Variants in CDS1 observed in about 807,000 individuals in gnomAD.
CDS1 encodes the protein CDP-diacylglycerol synthase 1, also known as phosphatidate cytidylyltransferase 1.
A neutral mutation model predicts 62.1 loss-of-function variants in CDS1; 41 were observed. The ratio of observed to expected loss-of-function variants is 0.66; its 90% CI spans 0.51 to 0.86. CDS1 has a LOEUF of 0.86. Among genes scored for constraint, CDS1 ranks in the 40% least tolerant of loss-of-function variants. The pLI is 0.00. For synonymous variants in CDS1, 185 were observed against 192.6 expected, an observed-to-expected ratio of 0.96 and a Z score of 0.32; for missense variants, 470 against 550.1, an observed-to-expected ratio of 0.85 and a Z score of 1.46.
chr4:84,583,375 G>A lies in CDS1; in HGVS notation c.-27G>A. ...CTCAGGTTTCGGGGTGCTTGAGGAGGCCGCCACGGCAGCGCGGGAGCGGAA... is the reference window on the plus strand; with the variant it reads ...CTCAGGTTTCGGGGTGCTTGAGGAGACCGCCACGGCAGCGCGGGAGCGGAA... On this transcript the variant is annotated 5_prime_UTR_variant, in exon 1 of 13. Coordinates refer to ENST00000295887, the MANE Select transcript of CDS1 (RefSeq NM_001263.4). 6.5e-7 allele frequency: 1 copy of A among 1,529,682 alleles called. No individual in the cohort carries two copies. Among genetic ancestry groups the A allele is most frequent in the Non-Finnish European group, 9.0e-7 (1 of 1,109,634 alleles). The allele number at this position is 1,529,682 out of a possible 1,614,324, so 94.8% of individuals were successfully genotyped here.
rs1179224047 is a variant in CDS1, at chr4:84,610,701, A to G, written c.342+1176A>G. On this transcript the variant is annotated intron_variant, in intron 3 of 12. Transcript: ENST00000295887. ...TAGACAACTATACGACAGAGGTCCT[A>G]TAAGATTATAATGGAGCCAAAAAAT... Among the ~76,000 whole-genome samples the G allele has an allele frequency of 3.3e-5, 5 of 152,330 alleles. No individual in the cohort carries two copies. The South Asian group carries it at 8.3e-4, about 25-fold the overall frequency.
chr4:84,618,674 G>A (rs1723575151), intron 4 of CDS1, among the ~76,000 whole-genome samples: 1 of 152,148 alleles, frequency 6.6e-6, no homozygotes. Context: ...AGCGGACAGT[G>A]GGTAAATAGT....
At chr4:84,632,174 T>C (rs1724041589) in intron 6 of CDS1, among the ~76,000 whole-genome samples, 2 of 152,330 alleles carry the variant, frequency 1.3e-5, no homozygotes, top group Admixed American at 1.3e-4. Context: ...AAGAATTTTC[T>C]TAGTCTCCTG....
intron 9 of CDS1, among the ~76,000 whole-genome samples, chr4:84,640,627 AC>A (rs1221912657): frequency 1.3e-5 from 2 of 152,124 alleles, no homozygotes; most frequent in Non-Finnish European, 2.9e-5. Flanking sequence ...TTTCAAAAAA[AC>A]TTTTTTTTTC....
In CDS1 at chr4:84,633,919, T is replaced by C; in HGVS notation, c.702T>C (p.Asn234=). 1 of 1,604,384 alleles carries C rather than the reference T, an allele frequency of 6.2e-7. No homozygotes were observed. Among genetic ancestry groups the C allele is most frequent in the Non-Finnish European group, 8.5e-7 (1 of 1,174,426 alleles). The change falls in exon 7 of 13, where the codon AAT becomes AAC. Residue 234 remains asparagine, a synonymous_variant. Coordinates refer to ENST00000295887, the MANE Select transcript of CDS1 (RefSeq NM_001263.4). ...CTCAGTCACACCTTGTCATCCAAAA[T>C]CTGTTTGAAGGCATGATATGGTAAG... ...TVTQSHLVIQ[N]LFEGMIWFLV... is the part of the protein sequence containing the mutation.
intron 3 of CDS1, among the ~76,000 whole-genome samples, chr4:84,612,988 C>CAAA (rs779175772): frequency 1.6e-5 from 1 of 60,610 alleles, no homozygotes; most frequent in Admixed American, 1.7e-4. Context: ...GATCCTGTCT[C>CAAA]AAAAAAAAAA....
At chr4:84,640,605 C>T (rs553332229) in intron 9 of CDS1, among the ~76,000 whole-genome samples, 1 of 152,216 alleles carries the variant, frequency 6.6e-6, no homozygotes, top group East Asian at 1.9e-4. Context: ...GCAGAGATTA[C>T]AATCTTATTG....
Position 84,583,460 on chromosome 4 carries a change from C to A in CDS1, c.59C>A (p.Pro20Gln). 1.3e-6 allele frequency: 2 copies of A among 1,583,772 alleles called. No individual in the cohort carries two copies. Among genetic ancestry groups the A allele is most frequent in the Non-Finnish European group, 1.7e-6 (2 of 1,166,300 alleles). Residue 20 changes from proline to glutamine, a missense_variant, in exon 1 of 13, where the codon CCA becomes CAA. Coordinates refer to ENST00000295887, the MANE Select transcript of CDS1 (RefSeq NM_001263.4). ...CPGPREAVSP[P>Q]HREGEAAGGD... ...GGCCCCAGGGAAGCGGTGTCGCCGC[C>A]ACACCGCGAGGGAGAGGCGGCCGGC...
At position 84,592,154 on chromosome 4, in the gene CDS1, A is replaced by ATTTTT. The variant is rs72236126; in HGVS notation, c.117+8659_117+8663dup. Among the ~76,000 whole-genome samples the ATTTTT allele has an allele frequency of 2.1e-3, 178 of 86,056 alleles. 23 individuals carry two copies. Among genetic ancestry groups the ATTTTT allele is most frequent in the African/African-American group, 5.4e-3 (112 of 20,878 alleles). The allele number at this position is 86,056 out of a possible 152,430, so 56.5% of individuals were successfully genotyped here. A position where few individuals can be genotyped will look rare whatever the true frequency, so the allele number is the denominator to read the frequency against. On this transcript the variant is annotated intron_variant, in intron 1 of 12. Transcript: ENST00000295887. ...GAGGAAGTAATTTCATTAATGACCAATTTTTTTTTTTTTTTTTTTTTTTTT... is the reference window on the plus strand; with the variant it reads ...GAGGAAGTAATTTCATTAATGACCAATTTTTTTTTTTTTTTTTTTTTTTTTTTTTT...
chr4:84,646,340 T>C (rs1402156972), intron 12 of CDS1, among the ~76,000 whole-genome samples: 10 of 152,216 alleles, frequency 6.6e-5, no homozygotes, highest in African/African-American at 2.2e-4. Context: ...TCTCCTCTCA[T>C]CTTTCATTTC....
At chr4:84,591,535 G>A (rs953976926) in intron 1 of CDS1, among the ~76,000 whole-genome samples, 1 of 152,082 alleles carries the variant, frequency 6.6e-6, no homozygotes, top group African/African-American at 2.4e-5. Context: ...TTAATCTCTT[G>A]AATTATGGAC....
In CDS1 at chr4:84,649,605, A is replaced by G. The variant is rs1724669553; in HGVS notation, c.*919A>G. ...GGTTGTGGCTGCAGCAGAGCAGGAGATGCTTGCCCGAGTGGGAGCAACCCA... is the reference window on the plus strand; with the variant it reads ...GGTTGTGGCTGCAGCAGAGCAGGAGGTGCTTGCCCGAGTGGGAGCAACCCA... On this transcript the variant is annotated 3_prime_UTR_variant, in exon 13 of 13. Transcript: ENST00000295887. 1 of 152,262 alleles carries G rather than the reference A, an allele frequency of 6.6e-6. No homozygotes were observed. Among genetic ancestry groups the G allele is most frequent in the Non-Finnish European group, 1.5e-5 (1 of 68,152 alleles). 9.4% of individuals were successfully genotyped at this position (152,262 alleles called of 1,614,324 possible).
chr4:84,622,573 A>G (rs1030169439), intron 5 of CDS1, among the ~76,000 whole-genome samples: 1 of 152,210 alleles, frequency 6.6e-6, no homozygotes, highest in East Asian at 1.9e-4. Context: ...AGCCTGGGCG[A>G]CAGAGCGAGA....
chr4:84,626,005 T>C (rs1177809003), intron 5 of CDS1, among the ~76,000 whole-genome samples: 1 of 151,502 alleles, frequency 6.6e-6, no homozygotes, highest in East Asian at 1.9e-4. Flanking sequence ...CCATCTCTAC[T>C]AAAAATACAA....
chr4:84,611,897 G>A (rs1723335826), intron 3 of CDS1, among the ~76,000 whole-genome samples: 1 of 152,116 alleles, frequency 6.6e-6, no homozygotes, highest in Non-Finnish European at 1.5e-5. Context: ...GGGCTAAAAT[G>A]ATCACCATTG....
intron 5 of CDS1, among the ~76,000 whole-genome samples, chr4:84,622,504 A>G (rs1723719942): frequency 6.6e-6 from 1 of 152,182 alleles, no homozygotes; most frequent in African/African-American, 2.4e-5. Flanking sequence ...GAGGCAAGAG[A>G]ATCGCTGTAA....
intron 10 of CDS1, among the ~76,000 whole-genome samples, chr4:84,641,395 G>A (rs1230194625): frequency 6.6e-6 from 1 of 152,112 alleles, no homozygotes; most frequent in Non-Finnish European, 1.5e-5. Flanking sequence ...CTTTAAAAGT[G>A]GGATTCAGAT....
At chr4:84,613,478 C>T (rs1018485106) in intron 3 of CDS1, among the ~76,000 whole-genome samples, 14 of 152,002 alleles carry the variant, frequency 9.2e-5, no homozygotes, top group African/African-American at 3.1e-4. Context: ...GATGTGGTGG[C>T]GCACACCTGT....
Position 84,598,425 on chromosome 4 carries a change from TTTA to T in CDS1, c.118-5807_118-5805del, listed in dbSNP as rs538907120. On this transcript the variant is annotated intron_variant, in intron 1 of 12. Transcript: ENST00000295887. ...TTTCTTTTTCTTTTTTTTTTTTAAT[TTTA>T]TTATTATTATACTTTTAGGGTACAT... Among the ~76,000 whole-genome samples the T allele has an allele frequency of 8.7e-4, 132 of 151,344 alleles. 1 individual carries two copies. Among genetic ancestry groups the T allele is most frequent in the African/African-American group, 3.1e-3 (128 of 41,468 alleles).
Sources: gnomAD v4.1 joint callset for allele counts (sites outside exome capture counted in the v4.1 genomes callset) on GRCh38, gnomAD v4.1.1 for gene constraint, MANE v1.5 for transcripts, NCBI Gene and HGNC (gene_info 2026-07-23, HGNC 2026-07-21) for gene names.